The following UNC80 variants were observed in gnomAD, a reference collection of about 807,000 sequenced individuals.
The protein encoded by UNC80 is protein unc-80 homolog.
In UNC80, 164 loss-of-function variants were observed where a neutral mutation model predicts 384.6. The ratio of observed to expected loss-of-function variants is 0.43; its 90% CI spans 0.38 to 0.49. UNC80 has a LOEUF of 0.49. Ranked by LOEUF, UNC80 falls within the 20% of genes least tolerant of loss-of-function variation. UNC80 has a pLI of 0.00. For missense variants in UNC80, 3,330 were observed against 4,143.0 expected, an observed-to-expected ratio of 0.80 and a Z score of 5.39; for synonymous variants, 1,486 against 1,527.8, an observed-to-expected ratio of 0.97 and a Z score of 0.64.
In UNC80 at chr2:209,829,310, G is replaced by T. The variant is rs1355852792; in HGVS notation, c.2557G>T (p.Asp853Tyr). Residue 853 changes from aspartate (D) to tyrosine (Y), a missense_variant, in exon 15 of 65, where the codon GAC (aspartate) becomes TAC (tyrosine). Coordinates refer to ENST00000673920, the MANE Select transcript of UNC80 (RefSeq NM_001371986.1). ...AACCATGAGGGACTATGTGAACAAG[G>T]ACTCTCTCAATAATGTAGTGGACTT... ...RQTMRDYVNKDSLNNVVDFLH... is the reference protein window; with the variant it reads ...RQTMRDYVNKYSLNNVVDFLH... 3 of 1,551,412 alleles carry T rather than the reference G, an allele frequency of 1.9e-6. No individual in the cohort carries two copies. Among genetic ancestry groups the T allele is most frequent in the Non-Finnish European group, 2.6e-6 (3 of 1,146,780 alleles).
chr2:209,985,010 C>T (rs1386571796), intron 61 of UNC80, 98 bp downstream of exon 61: 24 of 1,062,250 alleles, frequency 2.3e-5, no homozygotes, highest in Non-Finnish European at 3.1e-5. Context: ...TCTTCTCGCC[C>T]CGTCTTAATA....
chr2:209,877,648 A>G (rs2084899744), intron 23 of UNC80, among the ~76,000 whole-genome samples: 1 of 152,230 alleles, frequency 6.6e-6, no homozygotes, highest in Admixed American at 6.5e-5. Flanking sequence ...CCCTTGTATC[A>G]TATCTATAAA....
chr2:209,955,876 T>G (rs1049566960), intron 48 of UNC80, among the ~76,000 whole-genome samples: 8 of 151,140 alleles, frequency 5.3e-5, no homozygotes, highest in Non-Finnish European at 1.2e-4. Flanking sequence ...CCCAAAAAGC[T>G]GGGATTATAG....
intron 27 of UNC80, 78 bp downstream of exon 27, chr2:209,894,444 AT>A (rs1384414483): frequency 1.2e-6 from 1 of 801,954 alleles, no homozygotes; most frequent in Non-Finnish European, 1.5e-6. Context: ...GCTGAAGTCC[AT>A]TTTCTTACAC....
intron 45 of UNC80, 118 bp downstream of exon 45, chr2:209,943,632 G>T: frequency 8.0e-7 from 1 of 1,243,510 alleles, no homozygotes; most frequent in African/African-American, 1.5e-5. Context: ...TTTTGGCAGA[G>T]ATGCAAAGGC....
intron 52 of UNC80, chr2:209,967,930 C>A: frequency 4.5e-6 from 1 of 220,912 alleles, no homozygotes; most frequent in Non-Finnish European, 8.9e-6. Flanking sequence ...CCCTTTAATC[C>A]CTTTTAAAAT....
At chr2:209,940,029 T>C (rs1021928502) in intron 43 of UNC80, among the ~76,000 whole-genome samples, 2 of 152,176 alleles carry the variant, frequency 1.3e-5, no homozygotes, top group African/African-American at 4.8e-5. Context: ...TTTGCATTTC[T>C]ATTAAGTTCT....
At chr2:209,926,237 G>A (rs904865198) in intron 35 of UNC80, among the ~76,000 whole-genome samples, 3 of 152,086 alleles carry the variant, frequency 2.0e-5, no homozygotes, top group Non-Finnish European at 4.4e-5. Context: ...CTTAGTCTCC[G>A]CTTAGAATTT....
At chr2:209,823,622 C>T (rs193262536) in intron 13 of UNC80, among the ~76,000 whole-genome samples, 3 of 152,090 alleles carry the variant, frequency 2.0e-5, no homozygotes, top group Admixed American at 6.5e-5. Flanking sequence ...CAGAGGAAAG[C>T]AGCGCCCCAC....
In UNC80 at chr2:209,967,654, G is replaced by A. The variant is rs956915655; in HGVS notation, c.8006+17G>A. 23 of 1,548,874 alleles carry A rather than the reference G, an allele frequency of 1.5e-5. No homozygotes were observed. Among genetic ancestry groups the A allele is most frequent in the East Asian group, 1.2e-4 (5 of 40,878 alleles). On this transcript the variant is annotated intron_variant, in intron 52 of 64. Coordinates refer to ENST00000673920, the MANE Select transcript of UNC80 (RefSeq NM_001371986.1). ...TACTTTGAGGTGAGAATGCCTCCGAGTTAGCTGTTGCTATCACAAATGTCA... is the reference window on the plus strand; with the variant it reads ...TACTTTGAGGTGAGAATGCCTCCGAATTAGCTGTTGCTATCACAAATGTCA...
At chr2:209,855,076 A>C (rs2082800331) in intron 22 of UNC80, among the ~76,000 whole-genome samples, 1 of 152,266 alleles carries the variant, frequency 6.6e-6, no homozygotes, top group African/African-American at 2.4e-5. Flanking sequence ...CCGGATAAAG[A>C]AAATGTGGTA....
chr2:209,959,227 G>T, intron 50 of UNC80, 73 bp downstream of exon 50: 1 of 1,485,430 alleles, frequency 6.7e-7, no homozygotes, highest in Non-Finnish European at 9.2e-7. Flanking sequence ...GCTGGTTTAT[G>T]GCTCTATTAG....
At position 209,996,294 on chromosome 2, in the gene UNC80, A is replaced by C. The variant is rs2125036982; in HGVS notation, c.*699A>C. The C allele has an allele frequency of 6.6e-6, 1 of 152,348 alleles. No homozygotes were observed. Among genetic ancestry groups the C allele is most frequent in the Non-Finnish European group, 1.5e-5 (1 of 68,020 alleles). 9.4% of individuals were successfully genotyped at this position (152,348 alleles called of 1,614,324 possible). Reference sequence around the variant, plus strand: ...AATCTATCACATTAGAATATTACAGAATATTCTAGAAATCATCAGAAATAA... The same window carrying C: ...AATCTATCACATTAGAATATTACAGCATATTCTAGAAATCATCAGAAATAA... On this transcript the variant is annotated 3_prime_UTR_variant, in exon 65 of 65. Coordinates refer to ENST00000673920, the MANE Select transcript of UNC80 (RefSeq NM_001371986.1).
At chr2:209,949,283 A>G (rs2092047841) in intron 47 of UNC80, among the ~76,000 whole-genome samples, 1 of 152,184 alleles carries the variant, frequency 6.6e-6, no homozygotes, top group Non-Finnish European at 1.5e-5. Context: ...AAAAGTTACA[A>G]GTGCTTAAAC....
intron 4 of UNC80, among the ~76,000 whole-genome samples, chr2:209,782,473 A>G (rs1362047630): frequency 6.6e-6 from 1 of 151,890 alleles, no homozygotes; most frequent in Non-Finnish European, 1.5e-5. Flanking sequence ...TATTTCCATA[A>G]TATTCTAGGT....
Position 209,995,424 on chromosome 2 carries a change from C to T in UNC80, c.9804C>T (p.Asp3268=), listed in dbSNP as rs372436091. Residue 3268 remains aspartate, a synonymous_variant, in exon 65 of 65, where the codon GAC becomes GAT. Transcript: ENST00000673920. The part of the protein sequence containing the change: ...AHSPLSAQLS[D]PDDFTGLETS... ...GTCCACTCTCTGCCCAACTCTCTGACCCTGATGACTTCACAGGCCTCGAGA... is the reference window on the plus strand; with the variant it reads ...GTCCACTCTCTGCCCAACTCTCTGATCCTGATGACTTCACAGGCCTCGAGA... 1.7e-5 allele frequency: 26 copies of T among 1,551,832 alleles called. No individual in the cohort carries two copies. In the Admixed American group the frequency reaches 4.3e-4, roughly 26 times the overall value.
intron 22 of UNC80, among the ~76,000 whole-genome samples, chr2:209,866,484 G>GCCCCCCCC (rs2083776838): frequency 1.3e-5 from 1 of 76,136 alleles, no homozygotes; most frequent in African/African-American, 4.9e-5. Flanking sequence ...AATACAAAAT[G>GCCCCCCCC]CACCCCCACA....
intron 51 of UNC80, among the ~76,000 whole-genome samples, chr2:209,966,902 AGAACCCCTT>A (rs2092756913): frequency 6.6e-6 from 1 of 152,228 alleles, no homozygotes; most frequent in Non-Finnish European, 1.5e-5. Context: ...TGGAGCCTGA[AGAACCCCTT>A]GGGTTGCAAC....
In UNC80 at chr2:209,995,482, C is replaced by T; in HGVS notation, c.9862C>T (p.Leu3288Phe). The change falls in exon 65 of 65, where the codon CTT becomes TTT. Residue 3288 changes from leucine (L) to phenylalanine (F), a missense_variant. Physicochemically the swap from Leu to Phe is conservative, Grantham distance 22. Around this residue, in one of 8 missense-constraint regions of UNC80, gnomAD observed 236 missense variants for 254.9 expected, o/e 0.93. Coordinates refer to ENST00000673920, the MANE Select transcript of UNC80 (RefSeq NM_001371986.1). ...CCTCCTACAGCATGGAGACACTGTC[C>T]TTCATATCAGTGAGGAAAATGGCAT... Reference protein sequence around the residue: ...SSLLQHGDTVLHISEENGMEN... With the variant: ...SSLLQHGDTVFHISEENGMEN... 6.4e-7 allele frequency: 1 copy of T among 1,551,836 alleles called. No homozygotes were observed. The highest frequency in any genetic ancestry group is 8.7e-7 in the Non-Finnish European group (1 of 1,147,026).
Sources: gnomAD v4.1 joint callset for allele counts (sites outside exome capture counted in the v4.1 genomes callset) on GRCh38, gnomAD v4.1.1 for gene constraint, gnomAD v4.1.1 regional missense constraint, MANE v1.5 for transcripts, NCBI Gene and HGNC (gene_info 2026-07-23, HGNC 2026-07-21) for gene names.